Variants in PLEK2 observed in about 807,000 individuals in gnomAD.
PLEK2 encodes the protein pleckstrin 2.
Under a neutral mutation model 43.8 loss-of-function variants are expected in PLEK2, and 29 were observed. The observed-to-expected ratio is 0.66, with a 90% CI of 0.49 to 0.90. The LOEUF is 0.90. PLEK2 is among the 40% of genes least tolerant of loss of function. The probability of loss-of-function intolerance (pLI) is 0.00; values close to 1 mark genes in which losing one functional copy is unlikely to be tolerated. For missense variants in PLEK2, 398 were observed against 448.1 expected (o/e 0.89, Z 1.01); for synonymous variants, 162 against 173.2 (o/e 0.94, Z 0.51).
chr14:67,400,715 C>G (rs988866281), intron 1 of PLEK2, among the ~76,000 whole-genome samples: 1 of 151,710 alleles, frequency 6.6e-6, no homozygotes, highest in African/African-American at 2.4e-5. Context: ...GGGCTGAGCT[C>G]GGTGGTTCAC....
chr14:67,395,433 A>G lies in PLEK2; in HGVS notation c.358T>C (p.Ser120Pro). 1 of 1,613,902 alleles carries G rather than the reference A, an allele frequency of 6.2e-7. No homozygotes were observed. The highest frequency in any genetic ancestry group is 8.5e-7 in the Non-Finnish European group (1 of 1,179,864). Residue 120 changes from serine (S) to proline (P), a missense_variant, in exon 3 of 9, where the codon TCC becomes CCC. Physicochemically the swap from Ser to Pro is moderately conservative, Grantham distance 74. Coordinates refer to ENST00000216446, the MANE Select transcript of PLEK2 (RefSeq NM_016445.3). ...CTGATGTGCGGGGGCAGCTTGAAGG[A>G]GTTTCTCAGGCTGTGCAGCTGCTGG... ...KVQQLHSLRN[S>P]FKLPPHISLH...
At chr14:67,406,618 C>G (rs758696971) in intron 1 of PLEK2, among the ~76,000 whole-genome samples, 1 of 152,152 alleles carries the variant, frequency 6.6e-6, no homozygotes, top group Non-Finnish European at 1.5e-5. Context: ...AGAAAGACAG[C>G]AAGCTTACGT....
intron 1 of PLEK2, among the ~76,000 whole-genome samples, chr14:67,409,320 G>A (rs1228166946): frequency 6.7e-6 from 1 of 150,340 alleles, no homozygotes; most frequent in Non-Finnish European, 1.5e-5. Context: ...AAGGCCAGGG[G>A]ATCACTTGAG....
intron 3 of PLEK2, 51 bp downstream of exon 3, chr14:67,395,351 C>A: frequency 6.4e-7 from 1 of 1,557,562 alleles, no homozygotes. Flanking sequence ...CCCTGCCCAC[C>A]CAACACAGGC....
At chr14:67,390,599 CAGGAG>C in intron 7 of PLEK2, 59 bp downstream of exon 7, 1 of 1,150,822 alleles carries the variant, frequency 8.7e-7, no homozygotes, top group Middle Eastern at 2.4e-4. Flanking sequence ...CCCGCCATGC[CAGGAG>C]AGGAGTGTCT....
rs572343345 is a variant in PLEK2 at position 67,393,743 on chromosome 14, C to T, written c.390-502G>A. Among the ~76,000 whole-genome samples, 178 of 152,188 alleles carry T rather than the reference C, an allele frequency of 1.2e-3. 1 individual carries two copies. The highest frequency in any genetic ancestry group is 0.011 in the South Asian group (55 of 4,816). On this transcript the variant is annotated intron_variant, in intron 3 of 8. Transcript: ENST00000216446. ...TACTGGGATTACAGGTGTGAGCCAC[C>T]GTGCCTGGCCTGATGATGGATGTTT...
At chr14:67,408,184 G>A (rs942289441) in intron 1 of PLEK2, among the ~76,000 whole-genome samples, 4 of 151,994 alleles carry the variant, frequency 2.6e-5, no homozygotes, top group Middle Eastern at 3.4e-3. Context: ...TACTCAGGAG[G>A]CTGAGGCATG....
intron 7 of PLEK2, 62 bp from the exon 8 acceptor site, chr14:67,388,364 C>G (rs889825589): frequency 1.0e-6 from 1 of 957,214 alleles, no homozygotes; most frequent in Admixed American, 1.7e-5. Flanking sequence ...GAGTTGCACT[C>G]CCCTTACAAC....
rs747065897 is a variant in PLEK2, at chr14:67,390,735, C to T, written c.783G>A (p.Arg261=). ...CAAAGCGACGCACCTTCCAGTTTTT[C>T]CTCTTGTGTCCCTGAGGCAAAGAAA... ...QGYLAKQGHK[R]KNWKVRRFVL... The change falls in exon 7 of 9, where the codon AGG becomes AGA. Residue 261 remains arginine, a synonymous_variant. Transcript: ENST00000216446. 4 of 1,612,038 alleles carry T rather than the reference C, an allele frequency of 2.5e-6. No individual in the cohort carries two copies. Among genetic ancestry groups the T allele is most frequent in the Non-Finnish European group, 8.5e-7 (1 of 1,178,206 alleles).
At chr14:67,393,573 C>A (rs1340324437) in intron 3 of PLEK2, among the ~76,000 whole-genome samples, 1 of 152,182 alleles carries the variant, frequency 6.6e-6, no homozygotes, top group Non-Finnish European at 1.5e-5. Context: ...CCTGCCTCAA[C>A]CTCCGGAGCA....
At chr14:67,399,552 T>G (rs1182791365) in intron 1 of PLEK2, among the ~76,000 whole-genome samples, 72 of 127,322 alleles carry the variant, frequency 5.7e-4, no homozygotes, top group African/African-American at 2.3e-3. Context: ...AAGAGAAGGG[T>G]AGTTTAGGTG....
intron 7 of PLEK2, among the ~76,000 whole-genome samples, chr14:67,388,524 A>G (rs1441687855): frequency 6.6e-6 from 1 of 152,198 alleles, no homozygotes; most frequent in African/African-American, 2.4e-5. Context: ...TCAATGTTGC[A>G]GTTACCAAGT....
chr14:67,391,271 A>ATGTGTGTGTGTGTGTG (rs61156733), intron 6 of PLEK2, among the ~76,000 whole-genome samples: 308 of 143,906 alleles, frequency 2.1e-3, no homozygotes, highest in Middle Eastern at 0.011. Flanking sequence ...AGCAGCTGAT[A>ATGTGTGTGTGTGTGTG]TGTGTGTGTG....
At chr14:67,387,607 A>G (rs938640498) in intron 8 of PLEK2, 151 bp from the exon 9 acceptor site, 1 of 796,722 alleles carries the variant, frequency 1.3e-6, no homozygotes, top group Non-Finnish European at 1.9e-6. Flanking sequence ...ATCCTATCAG[A>G]TGAGGTCCCC....
At chr14:67,407,010 G>A (rs1674250799) in intron 1 of PLEK2, among the ~76,000 whole-genome samples, 1 of 152,166 alleles carries the variant, frequency 6.6e-6, no homozygotes, top group South Asian at 2.1e-4. Context: ...ATCCCTTTTG[G>A]AGAGAAGGAC....
intron 1 of PLEK2, among the ~76,000 whole-genome samples, chr14:67,401,571 A>G (rs2086049256): frequency 6.6e-6 from 1 of 152,128 alleles, no homozygotes; most frequent in Non-Finnish European, 1.5e-5. Flanking sequence ...CAGCTCACAC[A>G]GAGGAAAGAC....
rs1201803632 is a variant in PLEK2 at position 67,397,786 on chromosome 14, A to AGGATGAACC, written c.74_82dup (p.Ile27_Leu28insArgPheIle). ...GTAGTACACCAGCGTGTTCTGCCGA[A>AGGATGAACC]GGATGAACCATCGCGCCTTCCAGTT... On this transcript the variant is annotated inframe_insertion, in exon 2 of 9. Coordinates refer to ENST00000216446, the MANE Select transcript of PLEK2 (RefSeq NM_016445.3). 6.2e-7 allele frequency: 1 copy of AGGATGAACC among 1,613,234 alleles called. No homozygotes were observed.
chr14:67,393,696 C>T (rs1044138411), intron 3 of PLEK2, among the ~76,000 whole-genome samples: 9 of 152,072 alleles, frequency 5.9e-5, no homozygotes, highest in Admixed American at 1.3e-4. Context: ...TCAAGTGATC[C>T]GCCTGCCTCA....
chr14:67,397,476 G>C (rs1052342192), intron 2 of PLEK2, among the ~76,000 whole-genome samples, 186 bp downstream of exon 2: 2 of 152,228 alleles, frequency 1.3e-5, no homozygotes, highest in Non-Finnish European at 2.9e-5. Context: ...AGGAACGAAG[G>C]CTCAGAGAGG....
Sources: allele counts gnomAD v4.1 joint callset (sites outside exome capture counted in the v4.1 genomes callset), GRCh38; gene constraint gnomAD v4.1.1; transcripts MANE v1.5; gene names NCBI Gene and HGNC (gene_info 2026-07-23, HGNC 2026-07-21).